The following TTLL11 variants were observed in gnomAD, a reference collection of about 807,000 sequenced individuals.
TTLL11 encodes tubulin tyrosine ligase like 11, also known as tubulin polyglutamylase TTLL11.
A neutral mutation model predicts 51.7 loss-of-function variants in TTLL11; 42 were observed. The observed-to-expected ratio is 0.81, with a 90% CI of 0.64 to 1.05. The LOEUF (loss-of-function observed/expected upper bound fraction) is 1.05, where lower values mean the gene tolerates loss of function less well. TTLL11 is among the 50% of genes least tolerant of loss of function. The pLI is 0.00. For synonymous variants in TTLL11, 381 were observed against 383.5 expected, an observed-to-expected ratio of 0.99 and a Z score of 0.08; for missense variants, 799 against 940.4, an observed-to-expected ratio of 0.85 and a Z score of 1.97.
chr9:121,873,127 A>G (rs2131401150), intron 6 of TTLL11, among the ~76,000 whole-genome samples: 1 of 152,332 alleles, frequency 6.6e-6, no homozygotes, highest in South Asian at 2.1e-4. Context: ...GTACAGTTGG[A>G]ATACACTCAA....
At chr9:121,947,454 A>G (rs1841707814) in intron 6 of TTLL11, among the ~76,000 whole-genome samples, 1 of 152,220 alleles carries the variant, frequency 6.6e-6, no homozygotes, top group Non-Finnish European at 1.5e-5. Context: ...TTGAGTTTAG[A>G]GAGATAAACC....
chr9:121,894,478 C>A (rs1331267231), intron 6 of TTLL11, among the ~76,000 whole-genome samples: 1 of 152,166 alleles, frequency 6.6e-6, no homozygotes, highest in Non-Finnish European at 1.5e-5. Context: ...GTCACAATAG[C>A]AAAGACTTGG....
Position 121,853,900 on chromosome 9 carries a change from C to T in TTLL11, c.1840+6437G>A, listed in dbSNP as rs1588071439. Among the ~76,000 whole-genome samples the T allele has an allele frequency of 1.3e-5, 2 of 152,172 alleles. No individual in the cohort carries two copies. Among genetic ancestry groups the T allele is most frequent in the African/African-American group, 2.4e-5 (1 of 41,430 alleles). On this transcript the variant is annotated intron_variant, in intron 8 of 8. Transcript: ENST00000321582. The surrounding 1 kb of genome is among the most constrained non-coding windows in gnomAD (Gnocchi z 5.6). ...GCAGAGCAGCTGGCAGGGGTAGGTG[C>T]CCCAGAAGCACTTCCCGAGAAAGTA... is the stretch of plus-strand genomic sequence containing the variant.
chr9:121,892,179 TAC>T (rs1564290817), intron 6 of TTLL11, among the ~76,000 whole-genome samples: 8 of 135,656 alleles, frequency 5.9e-5, no homozygotes, highest in Admixed American at 2.5e-4. Flanking sequence ...GATATATATA[TAC>T]ACACACATAT....
At position 121,816,037 on chromosome 9, in the gene TTLL11, C is replaced by T. The variant is rs1257233221; in HGVS notation, c.*6550G>A. 6.6e-6 allele frequency: 1 copy of T among 152,208 alleles called. No individual in the cohort carries two copies. Among genetic ancestry groups the T allele is most frequent in the Non-Finnish European group, 1.5e-5 (1 of 68,044 alleles). 9.4% of individuals were successfully genotyped at this position (152,208 alleles called of 1,614,324 possible). A position where few individuals can be genotyped will look rare whatever the true frequency, so the allele number is the denominator to read the frequency against. ...AAGACACTTCCCAGGTGCCAAGTCC[C>T]GCACCCGGTTCTTTACATACATTAC... On this transcript the variant is annotated 3_prime_UTR_variant, in exon 9 of 9. Transcript: ENST00000321582.
At chr9:122,032,175 A>G (rs184434240) in intron 2 of TTLL11, among the ~76,000 whole-genome samples, 6 of 152,280 alleles carry the variant, frequency 3.9e-5, no homozygotes, top group Non-Finnish European at 7.4e-5. Flanking sequence ...GGAAGCATTT[A>G]TATCTTGCAC....
intron 1 of TTLL11, among the ~76,000 whole-genome samples, chr9:122,074,764 G>A (rs756360552): frequency 7.9e-5 from 12 of 151,926 alleles, no homozygotes; most frequent in South Asian, 4.2e-4. Context: ...AGCTGAGTGG[G>A]TTGGCATGAG....
At chr9:122,008,266 G>A (rs1261557812) in intron 3 of TTLL11, among the ~76,000 whole-genome samples, 6 of 152,112 alleles carry the variant, frequency 3.9e-5, no homozygotes, top group Admixed American at 3.3e-4. Context: ...AAATCTGAAT[G>A]GGAAACAGTC....
intron 8 of TTLL11, among the ~76,000 whole-genome samples, chr9:121,832,632 G>A (rs1837053322): frequency 6.6e-6 from 1 of 152,132 alleles, no homozygotes; most frequent in South Asian, 2.1e-4. Context: ...TTACTCCACT[G>A]CTGCTTCGAG....
intron 3 of TTLL11, among the ~76,000 whole-genome samples, chr9:122,001,798 G>A (rs927208808): frequency 6.6e-6 from 1 of 152,178 alleles, no homozygotes; most frequent in Non-Finnish European, 1.5e-5. Flanking sequence ...GCCCAGGAAC[G>A]GGACACTCAG....
chr9:122,077,038 C>A (rs1345604874), intron 1 of TTLL11, among the ~76,000 whole-genome samples: 1 of 152,118 alleles, frequency 6.6e-6, no homozygotes, highest in Non-Finnish European at 1.5e-5. Context: ...AGCGCTGAGA[C>A]CCTATAGCTA....
At chr9:121,826,299 T>C (rs1194221078) in intron 8 of TTLL11, among the ~76,000 whole-genome samples, 2 of 92,886 alleles carry the variant, frequency 2.2e-5, no homozygotes, top group Admixed American at 2.0e-4. Flanking sequence ...TGTGGGTGTA[T>C]ATATATATAT....
intron 3 of TTLL11, among the ~76,000 whole-genome samples, chr9:122,008,927 A>G (rs1440191110): frequency 6.6e-6 from 1 of 152,238 alleles, no homozygotes; most frequent in Non-Finnish European, 1.5e-5. Flanking sequence ...TAAGCGAAAT[A>G]AGCCAGGCAC....
At chr9:121,938,156 G>C (rs1841301251) in intron 6 of TTLL11, among the ~76,000 whole-genome samples, 1 of 152,054 alleles carries the variant, frequency 6.6e-6, no homozygotes, top group African/African-American at 2.4e-5. Flanking sequence ...GGGCATGGTG[G>C]TGGGCACCTG....
chr9:121,935,940 G>A (rs116543242), intron 6 of TTLL11, among the ~76,000 whole-genome samples: 1,889 of 152,280 alleles, frequency 0.012, 32 homozygotes, highest in African/African-American at 0.043. Flanking sequence ...CCAGGTACCC[G>A]GACCCTCTCC....
At chr9:121,919,737 T>C (rs542118504) in intron 6 of TTLL11, among the ~76,000 whole-genome samples, 33 of 150,480 alleles carry the variant, frequency 2.2e-4, no homozygotes, top group African/African-American at 7.3e-4. Flanking sequence ...CTAAGCCAGG[T>C]ACAGCAGCTC....
chr9:121,904,264 C>T (rs1464080046), intron 6 of TTLL11, among the ~76,000 whole-genome samples: 3 of 152,044 alleles, frequency 2.0e-5, no homozygotes, highest in Non-Finnish European at 4.4e-5. Context: ...GCAACCTCCG[C>T]CTCCCGGGTT....
chr9:122,073,531 A>G lies in TTLL11; in HGVS notation c.462+19156T>C, dbSNP rs1588258626. On this transcript the variant is annotated intron_variant, in intron 1 of 8. Coordinates refer to ENST00000321582, the MANE Select transcript of TTLL11 (RefSeq NM_001139442.2). ...TGAAGGAGCACAAAGCAGGAGCATC[A>G]ACCCAAGGTGGGGAAGGAAGGAGCT... Among the ~76,000 whole-genome samples, 3 of 152,246 alleles carry G rather than the reference A, an allele frequency of 2.0e-5. No homozygotes were observed. In the South Asian group the frequency reaches 6.2e-4, roughly 32 times the overall value.
chr9:121,861,371 C>T (rs1838005256), intron 7 of TTLL11, among the ~76,000 whole-genome samples: 1 of 152,210 alleles, frequency 6.6e-6, no homozygotes, highest in South Asian at 2.1e-4. Flanking sequence ...GCCACTGTGC[C>T]TGGCCAGGAG....
Sources: gnomAD v4.1 joint callset for allele counts (sites outside exome capture counted in the v4.1 genomes callset) on GRCh38, gnomAD v4.1.1 for gene constraint, Gnocchi (gnomAD v3.1) non-coding constraint, MANE v1.5 for transcripts, NCBI Gene and HGNC (gene_info 2026-07-23, HGNC 2026-07-21) for gene names.